Variants in ZNF678 observed in about 807,000 individuals in gnomAD.
The protein encoded by ZNF678 is zinc finger protein 678.
A neutral mutation model predicts 3.0 loss-of-function variants in ZNF678; 5 were observed. The observed-to-expected ratio is 1.69, with a 90% CI of 0.88 to 3.56. The LOEUF is 3.56. Ranked by LOEUF, ZNF678 falls within the 30% of genes most tolerant of loss-of-function variation. ZNF678 has a pLI of 0.00. For missense variants in ZNF678, 593 were observed against 605.0 expected, an observed-to-expected ratio of 0.98 and a Z score of 0.21; for synonymous variants, 218 against 199.6, an observed-to-expected ratio of 1.09 and a Z score of -0.78.
At chr1:227,618,146 C>T (rs1407084663) in intron 1 of ZNF678, among the ~76,000 whole-genome samples, 1 of 152,182 alleles carries the variant, frequency 6.6e-6, no homozygotes. Flanking sequence ...CTTGTGTTAC[C>T]TTTGGGTGCC....
At chr1:227,584,632 C>T (rs552412857) in intron 1 of ZNF678, among the ~76,000 whole-genome samples, 1 of 152,320 alleles carries the variant, frequency 6.6e-6, no homozygotes, top group South Asian at 2.1e-4. Flanking sequence ...ATAGACACCA[C>T]TGCAGTAAGA....
At chr1:227,616,434 G>A (rs547416293) in intron 1 of ZNF678, among the ~76,000 whole-genome samples, 4 of 152,278 alleles carry the variant, frequency 2.6e-5, no homozygotes, top group African/African-American at 9.6e-5. Context: ...TTCTTTTTCT[G>A]TGCCAGAATT....
intron 1 of ZNF678, among the ~76,000 whole-genome samples, chr1:227,580,553 G>C (rs1025507197): frequency 6.6e-6 from 1 of 151,980 alleles, no homozygotes; most frequent in Non-Finnish European, 1.5e-5. Context: ...TAGTCTTTCT[G>C]TCAAGAACAT....
intron 1 of ZNF678, among the ~76,000 whole-genome samples, chr1:227,612,774 C>T (rs1658051950): frequency 1.3e-5 from 2 of 152,158 alleles, no homozygotes; most frequent in Non-Finnish European, 2.9e-5. Context: ...ACCCACATGT[C>T]AACCAGAAAG....
At chr1:227,602,550 T>C (rs1657762024) in intron 1 of ZNF678, among the ~76,000 whole-genome samples, 1 of 152,196 alleles carries the variant, frequency 6.6e-6, no homozygotes, top group African/African-American at 2.4e-5. Flanking sequence ...GTGCAATTAT[T>C]TTTAGTACTT....
At chr1:227,627,508 T>C (rs1658447644) in intron 1 of ZNF678, among the ~76,000 whole-genome samples, 1 of 152,120 alleles carries the variant, frequency 6.6e-6, no homozygotes, top group African/African-American at 2.4e-5. Flanking sequence ...TCTGATGATC[T>C]CGGCCATGTA....
downstream of ZNF678, among the ~76,000 whole-genome samples, chr1:227,665,747 C>T (rs1425282738): frequency 6.6e-6 from 1 of 152,216 alleles, no homozygotes; most frequent in African/African-American, 2.4e-5. Context: ...TTGTGAACTA[C>T]AACATATCTT....
At chr1:227,602,438 A>G (rs1161473708) in intron 1 of ZNF678, among the ~76,000 whole-genome samples, 2 of 152,046 alleles carry the variant, frequency 1.3e-5, no homozygotes, top group Non-Finnish European at 1.5e-5. Flanking sequence ...ATATTTCACA[A>G]TTTTTTTTGG....
At chr1:227,665,368 G>A (rs1242303626), downstream of ZNF678, among the ~76,000 whole-genome samples, 1 of 152,198 alleles carries the variant, frequency 6.6e-6, no homozygotes, top group Non-Finnish European at 1.5e-5. Context: ...ATCAGGTGGT[G>A]TGCAGCATCC....
intron 1 of ZNF678, chr1:227,599,154 A>G: frequency 7.8e-7 from 1 of 1,283,382 alleles, no homozygotes; most frequent in Non-Finnish European, 1.1e-6. Flanking sequence ...ATATTCCTCC[A>G]GTTCTAGAAT....
intron 3 of ZNF678, among the ~76,000 whole-genome samples, chr1:227,653,314 T>A (rs1228326645): frequency 6.6e-6 from 1 of 152,052 alleles, no homozygotes; most frequent in Non-Finnish European, 1.5e-5. Flanking sequence ...TCTTGTATTC[T>A]TCAGTCCCAC....
downstream of ZNF678, among the ~76,000 whole-genome samples, chr1:227,663,457 T>C (rs899351264): frequency 2.6e-5 from 4 of 152,190 alleles, no homozygotes; most frequent in Non-Finnish European, 5.9e-5. Context: ...ATGAGTTCTC[T>C]AAGATGACAC....
chr1:227,618,747 T>C (rs924545027), intron 1 of ZNF678, among the ~76,000 whole-genome samples: 1 of 152,224 alleles, frequency 6.6e-6, no homozygotes, highest in Admixed American at 6.5e-5. Flanking sequence ...GTTTTTTTGT[T>C]TGTTTTAGTA....
chr1:227,650,604 A>G (rs951779576), intron 2 of ZNF678, among the ~76,000 whole-genome samples: 1 of 152,170 alleles, frequency 6.6e-6, no homozygotes, highest in Non-Finnish European at 1.5e-5. Flanking sequence ...TTAGTCTTCT[A>G]ATTCATAAAC....
intron 1 of ZNF678, among the ~76,000 whole-genome samples, chr1:227,617,053 A>G (rs1220611850): frequency 6.6e-6 from 1 of 152,174 alleles, no homozygotes; most frequent in Non-Finnish European, 1.5e-5. Context: ...CAAGGCTTCT[A>G]TTAGTGAATG....
chr1:227,649,396 G>A (rs981202620), intron 2 of ZNF678, among the ~76,000 whole-genome samples: 1 of 152,208 alleles, frequency 6.6e-6, no homozygotes, highest in Admixed American at 6.5e-5. Context: ...TGTTGCCCAA[G>A]CTGGAGTGCA....
chr1:227,599,790 A>G (rs1032104975), intron 1 of ZNF678, among the ~76,000 whole-genome samples: 3 of 152,220 alleles, frequency 2.0e-5, no homozygotes, highest in African/African-American at 7.2e-5. Flanking sequence ...CTTCTTAAAA[A>G]TAAATTCAGC....
downstream of ZNF678, among the ~76,000 whole-genome samples, chr1:227,677,669 T>C (rs1659706586): frequency 6.6e-6 from 1 of 152,178 alleles, no homozygotes. Context: ...TTTTAACTTG[T>C]GGGAATTTAG....
intron 2 of ZNF678, among the ~76,000 whole-genome samples, chr1:227,649,840 C>T (rs1296609489): frequency 1.3e-5 from 2 of 152,038 alleles, no homozygotes; most frequent in Non-Finnish European, 2.9e-5. Context: ...GGGTCTTTTG[C>T]CTGTTTTTCA....
Sources: allele counts gnomAD v4.1 joint callset (sites outside exome capture counted in the v4.1 genomes callset), GRCh38; gene constraint gnomAD v4.1.1; transcripts MANE v1.5; gene names NCBI Gene and HGNC (gene_info 2026-07-23, HGNC 2026-07-21).